The following IQGAP1 variants were observed in gnomAD, a reference collection of about 807,000 sequenced individuals.
IQGAP1 encodes IQ motif containing GTPase activating protein 1, also known as ras GTPase-activating-like protein IQGAP1.
Under a neutral mutation model 215.6 loss-of-function variants are expected in IQGAP1, and 66 were observed. That is an observed-to-expected ratio of 0.31 (90% CI 0.25 to 0.38). IQGAP1 has a LOEUF of 0.38. Among genes scored for constraint, IQGAP1 ranks in the 10% least tolerant of loss-of-function variants. The pLI is 1.00. For missense variants in IQGAP1, 1,712 were observed against 1,997.1 expected, an observed-to-expected ratio of 0.86 and a Z score of 2.72; for synonymous variants, 772 against 728.7, an observed-to-expected ratio of 1.06 and a Z score of -0.96.
At chr15:90,406,586 A>G (rs1964881571) in intron 2 of IQGAP1, among the ~76,000 whole-genome samples, 1 of 152,266 alleles carries the variant, frequency 6.6e-6, no homozygotes, top group South Asian at 2.1e-4. Context: ...TACGAATCGT[A>G]TCTCAGCAAA....
At chr15:90,445,756 A>T (rs956053095) in intron 9 of IQGAP1, among the ~76,000 whole-genome samples, 1 of 152,156 alleles carries the variant, frequency 6.6e-6, no homozygotes, top group Admixed American at 6.5e-5. Context: ...TCTCATTTGA[A>T]CTAATACTAA....
intron 3 of IQGAP1, among the ~76,000 whole-genome samples, chr15:90,427,086 A>G (rs1343982478): frequency 6.6e-6 from 1 of 151,844 alleles, no homozygotes; most frequent in Non-Finnish European, 1.5e-5. Context: ...GGGCAATATA[A>G]TGAGACCCTG....
At chr15:90,482,895 T>G (rs911790695) in intron 28 of IQGAP1, 1 of 206,800 alleles carries the variant, frequency 4.8e-6, no homozygotes, top group Non-Finnish European at 8.9e-6. Flanking sequence ...ATGAGAATGT[T>G]GGGAGGTGGG....
At chr15:90,392,089 C>A (rs1167892709) in intron 2 of IQGAP1, among the ~76,000 whole-genome samples, 2 of 151,444 alleles carry the variant, frequency 1.3e-5, no homozygotes, top group Non-Finnish European at 3.0e-5. Context: ...CAAAACAAAA[C>A]CAACATCGCT....
chr15:90,405,956 C>G (rs895078656), intron 2 of IQGAP1, among the ~76,000 whole-genome samples: 2 of 151,996 alleles, frequency 1.3e-5, no homozygotes, highest in Non-Finnish European at 2.9e-5. Flanking sequence ...TTGAGTTATC[C>G]TGTTCTTGGC....
chr15:90,441,962 T>C (rs2151019574), intron 8 of IQGAP1, among the ~76,000 whole-genome samples: 1 of 152,330 alleles, frequency 6.6e-6, no homozygotes, highest in Middle Eastern at 3.4e-3. Context: ...ATTGACCTTT[T>C]TAAGAATTTT....
chr15:90,477,802 A>G lies in IQGAP1; in HGVS notation c.3242A>G (p.Asp1081Gly). The stretch of plus-strand genomic sequence containing the variant: ...GCCCCAGTCGTGAAGGAAATTATGG[A>G]TGACAAATCTCTCAACATCAAAACT... ...ILAPVVKEIM[D>G]DKSLNIKTDP... The change falls in exon 26 of 38, where the codon GAT becomes GGT. Residue 1081 changes from aspartate (D) to glycine (G), a missense_variant. Transcript: ENST00000268182. The G allele has an allele frequency of 4.3e-6, 7 of 1,614,032 alleles. No homozygotes were observed. Among genetic ancestry groups the G allele is most frequent in the Non-Finnish European group, 5.9e-6 (7 of 1,179,966 alleles).
Position 90,474,548 on chromosome 15 carries a change from A to G in IQGAP1, c.2639A>G (p.Asp880Gly). 1 of 1,614,178 alleles carries G rather than the reference A, an allele frequency of 6.2e-7. No individual in the cohort carries two copies. Among genetic ancestry groups the G allele is most frequent in the Non-Finnish European group, 8.5e-7 (1 of 1,180,016 alleles). The change falls in exon 23 of 38, where the codon GAC becomes GGC. Residue 880 changes from aspartate to glycine, a missense_variant. Asp to Gly is a moderately conservative substitution (Grantham distance 94). Transcript: ENST00000268182. The stretch of plus-strand genomic sequence containing the variant: ...TTTGTCCACCTGCTGGACCAAAGTG[A>G]CCAGGATTTTCAGGAGGAGCTTGAC... ...RKFVHLLDQSDQDFQEELDLM... is the reference protein window; with the variant it reads ...RKFVHLLDQSGQDFQEELDLM...
At chr15:90,416,578 C>CTTTTTTTTTTT (rs59801805) in intron 2 of IQGAP1, among the ~76,000 whole-genome samples, 1 of 139,300 alleles carries the variant, frequency 7.2e-6, no homozygotes, top group African/African-American at 2.7e-5. Flanking sequence ...TGTTTCCTGA[C>CTTTTTTTTTTT]TTTTTTTTTT....
In IQGAP1 at chr15:90,473,445, GT is replaced by G. The variant is rs538527038; in HGVS notation, c.2350-268del. ...GTATCTTATCTTCCTCACCTGGTTT[GT>G]TGTAAGAAGCCAGTAAATGAATCTG... On this transcript the variant is annotated intron_variant, in intron 19 of 37. Coordinates refer to ENST00000268182, the MANE Select transcript of IQGAP1 (RefSeq NM_003870.4). 99 of 450,798 alleles carry G rather than the reference GT, an allele frequency of 2.2e-4. No individual in the cohort carries two copies. In the East Asian group the frequency reaches 3.9e-3, roughly 18 times the overall value. 27.9% of individuals were successfully genotyped at this position (450,798 alleles called of 1,614,324 possible).
intron 9 of IQGAP1, among the ~76,000 whole-genome samples, chr15:90,447,585 AG>A (rs1965543363): frequency 6.6e-6 from 1 of 152,190 alleles, no homozygotes; most frequent in Non-Finnish European, 1.5e-5. Flanking sequence ...GAGTGGTGGT[AG>A]GGACAGGCAT....
intron 2 of IQGAP1, chr15:90,397,907 G>C (rs1473584780): frequency 2.5e-5 from 1 of 40,750 alleles, no homozygotes; most frequent in Non-Finnish European, 4.1e-5. Context: ...TTTTGAGATG[G>C]AGTCTCACTC....
At chr15:90,399,021 A>AAG (rs1555434310) in intron 2 of IQGAP1, among the ~76,000 whole-genome samples, 2 of 151,542 alleles carry the variant, frequency 1.3e-5, no homozygotes, top group African/African-American at 4.9e-5. Flanking sequence ...AAAAAAAAAA[A>AAG]AAAAGTGAAT....
chr15:90,442,423 A>T (rs912701876), intron 8 of IQGAP1, among the ~76,000 whole-genome samples: 9 of 150,490 alleles, frequency 6.0e-5, no homozygotes, highest in African/African-American at 1.7e-4. Context: ...ACCAGCCAGG[A>T]GACAGGGCGA....
intron 33 of IQGAP1, among the ~76,000 whole-genome samples, chr15:90,487,860 C>G (rs567532552): frequency 5.3e-5 from 8 of 152,130 alleles, no homozygotes; most frequent in Non-Finnish European, 1.2e-4. Context: ...GCGATTCTTT[C>G]CAGCACCCAT....
chr15:90,457,415 T>C (rs1401700014), intron 15 of IQGAP1, among the ~76,000 whole-genome samples: 2 of 151,782 alleles, frequency 1.3e-5, no homozygotes, highest in Non-Finnish European at 2.9e-5. Context: ...TTTCAGACTG[T>C]TGTAAATAGG....
At chr15:90,466,953 G>C (rs1035894763) in intron 17 of IQGAP1, among the ~76,000 whole-genome samples, 1 of 152,152 alleles carries the variant, frequency 6.6e-6, no homozygotes, top group African/African-American at 2.4e-5. Flanking sequence ...TTAGCTGAGT[G>C]TGGTGGCGTG....
chr15:90,472,802 C>G lies in IQGAP1; in HGVS notation c.2179-38C>G, dbSNP rs1006019167. On this transcript the variant is annotated intron_variant, in intron 18 of 37. Transcript: ENST00000268182. Reference sequence around the variant, plus strand: ...TCGTGAAAACCTGCATCCATTCTTGCCTGTGAATGTCTTTGAATGTGACCA... The same window carrying G: ...TCGTGAAAACCTGCATCCATTCTTGGCTGTGAATGTCTTTGAATGTGACCA... 7.7e-6 allele frequency: 12 copies of G among 1,567,596 alleles called. No homozygotes were observed. In the African/African-American group the frequency reaches 1.5e-4, roughly 20 times the overall value.
Position 90,440,594 on chromosome 15 carries a change from C to G in IQGAP1, c.628C>G (p.Leu210Val). The stretch of plus-strand genomic sequence containing the variant: ...GATTGGGGGCATCTTGGCTAATGAA[C>G]TGTCAGTGGATGAAGCCGCATGTAA... Reference protein sequence around the residue: ...SKIGGILANELSVDEAALHAA... With the variant: ...SKIGGILANEVSVDEAALHAA... Residue 210 changes from leucine to valine, a missense_variant, in exon 7 of 38, where the codon CTG (leucine) becomes GTG (valine). Physicochemically the swap from Leu to Val is conservative, Grantham distance 32 (BLOSUM62 1). Transcript: ENST00000268182. 4 of 1,564,112 alleles carry G rather than the reference C, an allele frequency of 2.6e-6. No individual in the cohort carries two copies. The highest frequency in any genetic ancestry group is 3.5e-6 in the Non-Finnish European group (4 of 1,152,484).
Sources: gnomAD v4.1 joint callset for allele counts (sites outside exome capture counted in the v4.1 genomes callset) on GRCh38, gnomAD v4.1.1 for gene constraint, MANE v1.5 for transcripts, NCBI Gene and HGNC (gene_info 2026-07-23, HGNC 2026-07-21) for gene names.